LAMA5: variants seen among roughly 807,000 people sequenced by gnomAD.
LAMA5 encodes laminin subunit alpha 5, also known as laminin subunit alpha-5.
A neutral mutation model predicts 433.4 loss-of-function variants in LAMA5; 260 were observed. The observed-to-expected ratio is 0.60, with a 90% CI of 0.54 to 0.66. The LOEUF is 0.66. LAMA5 is among the 30% of genes least tolerant of loss of function. The pLI is 0.00. For synonymous variants in LAMA5, 2,620 were observed against 2,226.6 expected, an observed-to-expected ratio of 1.18 and a Z score of -4.97; for missense variants, 5,378 against 5,258.5, an observed-to-expected ratio of 1.02 and a Z score of -0.70.
chr20:62,324,414 C>G lies in LAMA5; in HGVS notation c.5643+27G>C. On this transcript the variant is annotated intron_variant, in intron 42 of 79. Coordinates refer to ENST00000252999, the MANE Select transcript of LAMA5 (RefSeq NM_005560.6). The surrounding 1 kb of genome is among the most constrained non-coding windows in gnomAD (Gnocchi z 4.4). The stretch of plus-strand genomic sequence containing the variant: ...GACTGTGCCTTCAGTGAATGCTGCC[C>G]CCCTGGCCCCACCAGCCCCTACTCA... 1 of 1,564,446 alleles carries G rather than the reference C, an allele frequency of 6.4e-7. No individual in the cohort carries two copies. The highest frequency in any genetic ancestry group is 8.8e-7 in the Non-Finnish European group (1 of 1,140,296).
chr20:62,325,123 G>A lies in LAMA5; in HGVS notation c.5529+193C>T, dbSNP rs867918146. 2.5e-5 allele frequency: 14 copies of A among 560,726 alleles called. No homozygotes were observed. The Admixed American group carries it at 3.8e-4, about 15-fold the overall frequency. 34.7% of individuals were successfully genotyped at this position (560,726 alleles called of 1,614,324 possible). On this transcript the variant is annotated intron_variant, in intron 41 of 79. Transcript: ENST00000252999. ...ATGAGGGGCAGGCAGGCGGACGAGG[G>A]GCAGGCAGACAGGCAGCAGGGGACA...
Position 62,324,671 on chromosome 20 carries a change from G to A in LAMA5, c.5530-117C>T. ...CAGGCACGAGGCACTGGGAACCCGT[G>A]GAGCATGGTCACCGCTGGGTCAGAG... On this transcript the variant is annotated intron_variant, in intron 41 of 79. Transcript: ENST00000252999. This position sits in a 1 kb window ranked among gnomAD's most constrained non-coding sequence, Gnocchi z 4.4. 3 of 699,070 alleles carry A rather than the reference G, an allele frequency of 4.3e-6. No homozygotes were observed. In the South Asian group the frequency reaches 5.0e-5, roughly 12 times the overall value. 43.3% of individuals were successfully genotyped at this position (699,070 alleles called of 1,614,324 possible).
At chr20:62,356,805 C>G (rs574800469) in intron 2 of LAMA5, among the ~76,000 whole-genome samples, 1 of 152,082 alleles carries the variant, frequency 6.6e-6, no homozygotes, top group South Asian at 2.1e-4. Flanking sequence ...GGATAAAATG[C>G]CTTTCATGAG....
intron 45 of LAMA5, among the ~76,000 whole-genome samples, 184 bp downstream of exon 45, chr20:62,323,272 G>A (rs1384003508): frequency 2.2e-5 from 2 of 91,768 alleles, no homozygotes; most frequent in Non-Finnish European, 4.8e-5. Flanking sequence ...TGATCGCTGG[G>A]GCGGGAGGAC....
At chr20:62,346,634 T>C in intron 8 of LAMA5, 38 bp from the exon 9 acceptor site, 2 of 1,610,376 alleles carry the variant, frequency 1.2e-6, no homozygotes, top group Non-Finnish European at 8.5e-7. Context: ...GGGAGGTCCC[T>C]GCCCCACCTC....
rs1335868608 is a variant in LAMA5 at position 62,316,590 on chromosome 20, G to A, written c.7756+81C>T. The A allele has an allele frequency of 4.6e-6, 5 of 1,087,558 alleles. No homozygotes were observed. In the East Asian group the frequency reaches 1.3e-4, roughly 29 times the overall value. The allele number at this position is 1,087,558 out of a possible 1,614,324, so 67.4% of individuals were successfully genotyped here. ...GCGGTGACCCACAAACCCCACGTGT[G>A]CATGTGGCTGGGGGCTGAGGGTCCC... On this transcript the variant is annotated intron_variant, in intron 57 of 79. Transcript: ENST00000252999.
rs1986974809 is a variant in LAMA5 at position 62,316,753 on chromosome 20, C to A, written c.7674G>T (p.Leu2558=). The A allele has an allele frequency of 1.9e-6, 3 of 1,607,060 alleles. No homozygotes were observed. In the African/African-American group the frequency reaches 4.0e-5, roughly 21 times the overall value. ...CCAGGAGCTGCTGGGCTCGGTCCAC[C>A]AGGCCCTGCCGCACCACCGTCTGTG... ...HTWATVVRQG[L]VDRAQQLLAN... Residue 2558 remains leucine (L), a synonymous_variant, in exon 57 of 80, where the codon CTG becomes CTT. Coordinates refer to ENST00000252999, the MANE Select transcript of LAMA5 (RefSeq NM_005560.6).
intron 6 of LAMA5, among the ~76,000 whole-genome samples, chr20:62,349,227 T>C (rs1445112890): frequency 3.1e-4 from 39 of 124,122 alleles, no homozygotes; most frequent in African/African-American, 1.2e-3. Context: ...GCCGAGATCG[T>C]GCCACTGCAC....
At chr20:62,331,663 C>A (rs1038712515) in intron 28 of LAMA5, among the ~76,000 whole-genome samples, 2 of 152,226 alleles carry the variant, frequency 1.3e-5, no homozygotes, top group East Asian at 3.8e-4. Context: ...CCTTTCCGTG[C>A]GGCCATGTGA....
rs1568934058 is a variant in LAMA5, at chr20:62,329,238, C to T, written c.4135G>A (p.Val1379Ile). 52 of 1,611,898 alleles carry T rather than the reference C, an allele frequency of 3.2e-5. No individual in the cohort carries two copies. The highest frequency in any genetic ancestry group is 4.4e-5 in the Non-Finnish European group (52 of 1,179,218). The change falls in exon 33 of 80, where the codon GTC becomes ATC. Residue 1379 changes from valine (V) to isoleucine (I), a missense_variant. Coordinates refer to ENST00000252999, the MANE Select transcript of LAMA5 (RefSeq NM_005560.6). ...CCAAAGCTGTAGACGTTCTCAGGGA[C>T]CACGAGTACATAATCCTAGGGGGTG... ...RWLWLDYVLVVPENVYSFGYL... is the reference protein window; with the variant it reads ...RWLWLDYVLVIPENVYSFGYL...
At position 62,331,115 on chromosome 20, in the gene LAMA5, C is replaced by A; in HGVS notation, c.3567G>T (p.Leu1189=). The A allele has an allele frequency of 6.3e-7, 1 of 1,587,720 alleles. No individual in the cohort carries two copies. Among genetic ancestry groups the A allele is most frequent in the Non-Finnish European group, 8.6e-7 (1 of 1,166,908 alleles). The change falls in exon 29 of 80, where the codon CTG becomes CTT. Residue 1189 remains leucine, a synonymous_variant. Coordinates refer to ENST00000252999, the MANE Select transcript of LAMA5 (RefSeq NM_005560.6). ...CCGGGCTGAACTCCTCAATGGGCAC[C>A]AGAGTGACCCCGTGCTGCAGGCAGA... ...QARFFLHGVT[L]VPIEEFSPEF...
intron 6 of LAMA5, among the ~76,000 whole-genome samples, chr20:62,350,292 T>C (rs569314480): frequency 2.0e-5 from 3 of 152,210 alleles, no homozygotes; most frequent in Admixed American, 6.5e-5. Context: ...TTAGCTCTGC[T>C]GGAGCTCAGC....
intron 2 of LAMA5, chr20:62,356,472 C>T (rs1985251756): frequency 6.6e-6 from 1 of 152,444 alleles, no homozygotes; most frequent in Non-Finnish European, 1.5e-5. Context: ...AAGCAAAAGC[C>T]AAACAAAAGC....
chr20:62,354,072 C>T (rs1022082966), intron 2 of LAMA5, among the ~76,000 whole-genome samples: 3 of 152,148 alleles, frequency 2.0e-5, no homozygotes, highest in African/African-American at 7.2e-5. Flanking sequence ...CCAGCCCCAC[C>T]TTGGCTCTGC....
At chr20:62,339,398 C>T (rs533118702) in intron 11 of LAMA5, among the ~76,000 whole-genome samples, 34 of 152,004 alleles carry the variant, frequency 2.2e-4, no homozygotes, top group African/African-American at 7.7e-4. Flanking sequence ...CTGCCACGCC[C>T]GGCTAATTTT....
intron 3 of LAMA5, 107 bp from the exon 4 acceptor site, chr20:62,352,467 C>G: frequency 1.2e-6 from 1 of 826,222 alleles, no homozygotes; most frequent in Non-Finnish European, 1.9e-6. Flanking sequence ...GAGGCTCCCA[C>G]AGGCCAAGAG....
rs747823016 is a variant in LAMA5, at chr20:62,314,900, T to C, written c.8095A>G (p.Ile2699Val). Reference protein sequence around the residue: ...TLPQLLAKLSILENRGVHNAS... With the variant: ...TLPQLLAKLSVLENRGVHNAS... Reference sequence around the variant, plus strand: ...TTGTGCACCCCACGGTTCTCCAGGATGCTCAGCTTGGCCAGCAGCTGGGGC... The same window carrying C: ...TTGTGCACCCCACGGTTCTCCAGGACGCTCAGCTTGGCCAGCAGCTGGGGC... The change falls in exon 60 of 80, where the codon ATC becomes GTC. Residue 2699 changes from isoleucine (I) to valine (V), a missense_variant. Physicochemically the swap from Ile to Val is conservative, Grantham distance 29 (BLOSUM62 3). Transcript: ENST00000252999. 4 of 1,610,168 alleles carry C rather than the reference T, an allele frequency of 2.5e-6. No homozygotes were observed. The highest frequency in any genetic ancestry group is 2.7e-5 in the African/African-American group (2 of 74,908).
In LAMA5 at chr20:62,359,366, G is replaced by A. The variant is rs1029699014; in HGVS notation, c.450+3034C>T. ...CCCGCTGGGCTAGCGTGCTGGTGTA[G>A]TGGGGCAAGGGCCTGGACCCTGCGG... On this transcript the variant is annotated intron_variant, in intron 2 of 79. Transcript: ENST00000252999. The surrounding 1 kb of genome is among the most constrained non-coding windows in gnomAD (Gnocchi z 4.3). 5.3e-5 allele frequency among the ~76,000 whole-genome samples: 8 copies of A among 152,164 alleles called. No individual in the cohort carries two copies. Among genetic ancestry groups the A allele is most frequent in the Non-Finnish European group, 7.4e-5 (5 of 68,018 alleles).
rs747265575 is a variant in LAMA5 at position 62,315,952 on chromosome 20, G to A, written c.7863C>T (p.Asp2621=). 2.5e-6 allele frequency: 4 copies of A among 1,598,146 alleles called. No individual in the cohort carries two copies. Among genetic ancestry groups the A allele is most frequent in the Non-Finnish European group, 3.4e-6 (4 of 1,175,598 alleles). The change falls in exon 58 of 80, where the codon GAC becomes GAT. Residue 2621 remains aspartate, a synonymous_variant. Transcript: ENST00000252999. ...IQAAQAMLAM[D]TDETSKKIAH... ...CCGGGCCCAGGCTCCGCATACCTGT[G>A]TCCATGGCAAGCATGGCCTGCGCCG...
Sources: allele counts gnomAD v4.1 joint callset (sites outside exome capture counted in the v4.1 genomes callset), GRCh38; gene constraint gnomAD v4.1.1; non-coding constraint Gnocchi (gnomAD v3.1); transcripts MANE v1.5; gene names NCBI Gene and HGNC (gene_info 2026-07-23, HGNC 2026-07-21).